Variants in POPDC1 observed in about 807,000 individuals in gnomAD.
The protein encoded by POPDC1 is popeye domain-containing protein 1.
At chr6:105,133,612 TA>T in the POPDC1 span, 1 of 1,501,794 alleles carries the variant, frequency 6.7e-7, no homozygotes, top group South Asian at 1.2e-5. Context: ...TAAACAAAAG[TA>T]AAATCGTAAA....
At chr6:105,122,771 G>T in the POPDC1 span, among the ~76,000 whole-genome samples, 3 of 151,998 alleles carry the variant, frequency 2.0e-5, no homozygotes, top group Non-Finnish European at 4.4e-5. Context: ...GATAAACTAA[G>T]AACATAAATC....
chr6:105,099,121 A>C, the POPDC1 span: 6 of 152,238 alleles, frequency 3.9e-5, no homozygotes, highest in African/African-American at 1.4e-4. Flanking sequence ...GGCCCCCCAA[A>C]GTGCTGTGAT....
At chr6:105,100,616 ATG>A in the POPDC1 span, 1 of 149,700 alleles carries the variant, frequency 6.7e-6, no homozygotes, top group Non-Finnish European at 1.5e-5. Flanking sequence ...GTGTGTATAT[ATG>A]GAATAAAGTT....
the POPDC1 span, among the ~76,000 whole-genome samples, chr6:105,104,875 A>G: frequency 0.9 from 137,327 of 152,230 alleles, 62,379 homozygotes; most frequent in Non-Finnish European, 0.96. Context: ...AATCACACCC[A>G]GTCTTTCATG....
chr6:105,115,712 C>T, the POPDC1 span: 75 of 1,614,052 alleles, frequency 4.6e-5, no homozygotes, highest in African/African-American at 1.6e-4. Flanking sequence ...GGAGGTACCC[C>T]GAAGAAACTG....
the POPDC1 span, chr6:105,099,011 T>G: frequency 6.6e-5 from 10 of 152,436 alleles, no homozygotes; most frequent in African/African-American, 2.4e-4. Context: ...ACTACAGGTA[T>G]GTACCACCAC....
At chr6:105,116,813 A>T in the POPDC1 span, 1 of 1,612,578 alleles carries the variant, frequency 6.2e-7, no homozygotes, top group Non-Finnish European at 8.5e-7. Context: ...AAAGTATGTT[A>T]ATCTTTCTCT....
chr6:105,130,341 ATT>A, the POPDC1 span, among the ~76,000 whole-genome samples: 11 of 152,124 alleles, frequency 7.2e-5, no homozygotes, highest in African/African-American at 2.7e-4. Context: ...GAAACACAAT[ATT>A]TTGAGGGTAT....
the POPDC1 span, among the ~76,000 whole-genome samples, chr6:105,124,042 G>C: frequency 6.6e-6 from 1 of 152,074 alleles, no homozygotes; most frequent in Non-Finnish European, 1.5e-5. Context: ...ATAACATTAT[G>C]ACAAAATTAG....
the POPDC1 span, among the ~76,000 whole-genome samples, chr6:105,105,313 C>A: frequency 6.6e-6 from 1 of 152,226 alleles, no homozygotes; most frequent in Non-Finnish European, 1.5e-5. Flanking sequence ...TGGCTGCCAA[C>A]CCCTCGCTTG....
the POPDC1 span, among the ~76,000 whole-genome samples, chr6:105,104,985 A>C: frequency 2.0e-5 from 3 of 152,194 alleles, no homozygotes; most frequent in Non-Finnish European, 4.4e-5. Flanking sequence ...AGAAGCTAAA[A>C]CAAAGACATC....
the POPDC1 span, chr6:105,129,371 A>T: frequency 1.3e-6 from 2 of 1,594,668 alleles, no homozygotes; most frequent in Non-Finnish European, 1.7e-6. Flanking sequence ...ATTAATTTTA[A>T]TAATTACCGG....
chr6:105,106,801 T>C, the POPDC1 span, among the ~76,000 whole-genome samples: 1 of 152,020 alleles, frequency 6.6e-6, no homozygotes, highest in Non-Finnish European at 1.5e-5. Context: ...TTAAAAACCT[T>C]TTTTTTAGTA....
chr6:105,098,117 A>T, the POPDC1 span: 1 of 152,224 alleles, frequency 6.6e-6, no homozygotes, highest in East Asian at 1.9e-4. Flanking sequence ...TCATTCAGCT[A>T]AGTAAAGGCC....
chr6:105,107,350 C>T, the POPDC1 span, among the ~76,000 whole-genome samples: 1 of 152,110 alleles, frequency 6.6e-6, no homozygotes, highest in East Asian at 1.9e-4. Flanking sequence ...AGATTCTGTC[C>T]CTATTAAGCT....
the POPDC1 span, among the ~76,000 whole-genome samples, chr6:105,135,219 G>C: frequency 1.3e-5 from 2 of 152,172 alleles, no homozygotes; most frequent in Admixed American, 1.3e-4. Context: ...AGGCCACTGA[G>C]ACAGGGATGA....
chr6:105,124,385 CAAAAAAAAA>C, the POPDC1 span, among the ~76,000 whole-genome samples: 3 of 81,752 alleles, frequency 3.7e-5, no homozygotes, highest in East Asian at 3.7e-4. Context: ...CCGTCTCAAA[CAAAAAAAAA>C]AAAAAAAAAA....
At chr6:105,100,556 ATATATATATATATGTATGTATG>A in the POPDC1 span, 2 of 135,852 alleles carry the variant, frequency 1.5e-5, no homozygotes, top group African/African-American at 6.0e-5. Flanking sequence ...ATATATGTAT[ATATATATATATATGTATGTATG>A]TATGTGTGTG....
At chr6:105,115,655 C>G in the POPDC1 span, 9 of 1,613,048 alleles carry the variant, frequency 5.6e-6, no homozygotes, top group South Asian at 1.1e-5. Flanking sequence ...CATCAGAACT[C>G]TGGAGTAGTA....
Sources: gnomAD v4.1 joint callset for allele counts (sites outside exome capture counted in the v4.1 genomes callset) on GRCh38, gnomAD v4.1.1 for gene constraint, MANE v1.5 for transcripts, NCBI Gene and HGNC (gene_info 2026-07-23, HGNC 2026-07-21) for gene names.